TMC5: variants seen among roughly 807,000 people sequenced by gnomAD.
The protein encoded by TMC5 is transmembrane channel like 5.
TMC5 carries 86 observed loss-of-function variants against 110.5 expected under a neutral mutation model. That is an observed-to-expected ratio of 0.78 (90% CI 0.65 to 0.93). The LOEUF is 0.93. Ranked by LOEUF, TMC5 falls within the 40% of genes least tolerant of loss-of-function variation. TMC5 has a pLI of 0.00. For missense variants in TMC5, 1,144 were observed against 1,222.8 expected (o/e 0.94, Z 0.96); for synonymous variants, 455 against 439.5 (o/e 1.04, Z -0.44).
At chr16:19,456,714 C>T in intron 5 of TMC5, 1 of 1,607,510 alleles carries the variant, frequency 6.2e-7, no homozygotes, top group Non-Finnish European at 8.5e-7. Flanking sequence ...GAGATGCTGT[C>T]CGATGACCAC....
At chr16:19,458,702 C>A (rs1466550754) in intron 5 of TMC5, among the ~76,000 whole-genome samples, 6 of 152,170 alleles carry the variant, frequency 3.9e-5, no homozygotes, top group African/African-American at 1.4e-4. Flanking sequence ...GTATATTTTC[C>A]TCTTCCATCT....
chr16:19,416,112 C>A (rs1021697668), upstream of TMC5, among the ~76,000 whole-genome samples: 4 of 151,406 alleles, frequency 2.6e-5, no homozygotes, highest in African/African-American at 9.7e-5. Context: ...TTGAGCCCAA[C>A]AGTCAGAGGC....
At chr16:19,453,011 T>TTATATA (rs34304163) in intron 5 of TMC5, among the ~76,000 whole-genome samples, 1,687 of 145,484 alleles carry the variant, frequency 0.012, 37 homozygotes, top group African/African-American at 0.039. Flanking sequence ...TATATATATA[T>TTATATA]TATATATATA....
In TMC5 at chr16:19,498,270, T is replaced by C; in HGVS notation, c.*304T>C. 5.3e-6 allele frequency: 2 copies of C among 378,856 alleles called. No individual in the cohort carries two copies. Among genetic ancestry groups the C allele is most frequent in the African/African-American group, 4.2e-5 (2 of 47,356 alleles). The allele number at this position is 378,856 out of a possible 1,614,324, so 23.5% of individuals were successfully genotyped here. A position where few individuals can be genotyped will look rare whatever the true frequency, so the allele number is the denominator to read the frequency against. ...TAACTAGGGAATAATGTATATTATC[T>C]TCAAGAAGTGTGTGCAGGAATGATT... is the stretch of plus-strand genomic sequence containing the variant. On this transcript the variant is annotated 3_prime_UTR_variant, in exon 22 of 22. Transcript: ENST00000542583.
At chr16:19,423,709 A>G (rs962753695) in intron 1 of TMC5, among the ~76,000 whole-genome samples, 8 of 152,182 alleles carry the variant, frequency 5.3e-5, no homozygotes, top group Non-Finnish European at 2.9e-5. Context: ...CACACTGACC[A>G]AGTCTCCAAC....
intron 13 of TMC5, among the ~76,000 whole-genome samples, chr16:19,478,021 G>T (rs1286858682): frequency 6.6e-6 from 1 of 152,112 alleles, no homozygotes; most frequent in African/African-American, 2.4e-5. Flanking sequence ...GACTGTTTCT[G>T]GCCGTCCTTC....
chr16:19,490,517 G>A lies in TMC5; in HGVS notation c.2696G>A (p.Arg899Gln), dbSNP rs527274612. 206 of 1,614,018 alleles carry A rather than the reference G, an allele frequency of 1.3e-4. No individual in the cohort carries two copies. The highest frequency in any genetic ancestry group is 2.0e-4 in the East Asian group (9 of 44,864). Residue 899 changes from arginine to glutamine, a missense_variant, in exon 18 of 22, where the codon CGG (arginine) becomes CAG (glutamine). Coordinates refer to ENST00000542583, the MANE Select transcript of TMC5 (RefSeq NM_001261841.2). ...PGYLWVVWIY[R>Q]NLIGSVHFFF... The stretch of plus-strand genomic sequence containing the variant: ...TACCTGTGGGTTGTTTGGATCTATC[G>A]GAACCTCATTGGAAGTGTGCACTTC...
intron 18 of TMC5, among the ~76,000 whole-genome samples, chr16:19,490,947 C>CA (rs1968885400): frequency 1.4e-5 from 1 of 72,592 alleles, no homozygotes; most frequent in African/African-American, 3.9e-5. Context: ...CCCTTCCCTT[C>CA]CTTTCCCCTT....
chr16:19,489,098 T>TTG (rs1376176221), intron 17 of TMC5, among the ~76,000 whole-genome samples: 1 of 152,216 alleles, frequency 6.6e-6, no homozygotes, highest in Non-Finnish European at 1.5e-5. Flanking sequence ...TCTCTCTTCC[T>TTG]CACCAGTTCC....
chr16:19,456,970 A>G, intron 5 of TMC5: 1 of 1,614,112 alleles, frequency 6.2e-7, no homozygotes, highest in South Asian at 1.1e-5. Flanking sequence ...ATAGCCTAGA[A>G]TGCATGGGCA....
At chr16:19,497,259 T>C in intron 21 of TMC5, 96 bp downstream of exon 21, 1 of 1,326,470 alleles carries the variant, frequency 7.5e-7, no homozygotes, top group South Asian at 1.3e-5. Flanking sequence ...CCATTACTTT[T>C]TCAGTTGCAA....
chr16:19,491,981 C>T (rs910280840), intron 18 of TMC5, among the ~76,000 whole-genome samples, 169 bp from the exon 19 acceptor site: 1 of 152,126 alleles, frequency 6.6e-6, no homozygotes, highest in South Asian at 2.1e-4. Flanking sequence ...CTTCAGGAAC[C>T]ATTGTTCCAA....
chr16:19,452,305 G>GGGC (rs1967767356), intron 5 of TMC5, among the ~76,000 whole-genome samples: 1 of 152,196 alleles, frequency 6.6e-6, no homozygotes, highest in South Asian at 2.1e-4. Context: ...CTCCCTGGGT[G>GGGC]AGCCACCCTC....
intron 5 of TMC5, among the ~76,000 whole-genome samples, chr16:19,457,483 A>G (rs1447436749): frequency 1.3e-5 from 2 of 152,108 alleles, no homozygotes; most frequent in Admixed American, 6.6e-5. Context: ...TCAATTTAAG[A>G]CATCCCTAAC....
chr16:19,486,703 C>T (rs9674106), intron 15 of TMC5, among the ~76,000 whole-genome samples: 4,235 of 152,148 alleles, frequency 0.028, 79 homozygotes, highest in Non-Finnish European at 0.042. Context: ...TTAGGGACAC[C>T]GGTTGTACTG....
At chr16:19,466,963 A>G (rs1024339094) in intron 9 of TMC5, among the ~76,000 whole-genome samples, 2 of 151,938 alleles carry the variant, frequency 1.3e-5, no homozygotes, top group African/African-American at 4.8e-5. Flanking sequence ...TGGGCAACAT[A>G]CCAAAACCCC....
At chr16:19,479,568 T>C in intron 14 of TMC5, 40 bp downstream of exon 14, 1 of 1,420,254 alleles carries the variant, frequency 7.0e-7, no homozygotes, top group Non-Finnish European at 9.9e-7. Flanking sequence ...GGCCTGATGC[T>C]GTAAACAGAA....
At chr16:19,471,977 T>A (rs1287839511) in intron 10 of TMC5, 111 bp from the exon 11 acceptor site, 1 of 1,088,186 alleles carries the variant, frequency 9.2e-7, no homozygotes, top group Non-Finnish European at 1.3e-6. Flanking sequence ...TCCAGGCTGG[T>A]CTCAAACTCC....
intron 17 of TMC5, among the ~76,000 whole-genome samples, chr16:19,489,977 G>A (rs950266071): frequency 6.6e-6 from 1 of 151,970 alleles, no homozygotes; most frequent in Non-Finnish European, 1.5e-5. Context: ...TAGAGATGGA[G>A]TCTCACTATG....
Sources: allele counts gnomAD v4.1 joint callset (sites outside exome capture counted in the v4.1 genomes callset), GRCh38; gene constraint gnomAD v4.1.1; transcripts MANE v1.5; gene names NCBI Gene and HGNC (gene_info 2026-07-23, HGNC 2026-07-21).